The following MED29 variants were observed in gnomAD, a reference collection of about 807,000 sequenced individuals.
MED29 encodes the protein mediator of RNA polymerase II transcription subunit 29.
In MED29, 14 loss-of-function variants were observed where a neutral mutation model predicts 22.0. That is an observed-to-expected ratio of 0.64 (90% CI 0.42 to 0.99). MED29 has a LOEUF of 0.99. MED29 is among the 50% of genes least tolerant of loss of function. The pLI is 0.00. For missense variants in MED29, 241 were observed against 253.7 expected, an observed-to-expected ratio of 0.95 and a Z score of 0.34; for synonymous variants, 123 against 107.8, an observed-to-expected ratio of 1.14 and a Z score of -0.87.
rs569921444 is a variant in MED29, at chr19:39,392,113, G to C, written c.217-351G>C. On this transcript the variant is annotated intron_variant, in intron 1 of 3. Transcript: ENST00000315588. ...AGATGGGATCAGCGCTGATGCTGAGGCTGGGACTGGCCGGAGCTTGAGTGA... is the reference window on the plus strand; with the variant it reads ...AGATGGGATCAGCGCTGATGCTGAGCCTGGGACTGGCCGGAGCTTGAGTGA... Among the ~76,000 whole-genome samples, 39 of 152,310 alleles carry C rather than the reference G, an allele frequency of 2.6e-4. 1 individual carries two copies. Among genetic ancestry groups the C allele is most frequent in the African/African-American group, 9.1e-4 (38 of 41,568 alleles).
intron 3 of MED29, among the ~76,000 whole-genome samples, chr19:39,393,891 C>A (rs2078413887): frequency 1.3e-5 from 2 of 152,124 alleles, no homozygotes. Flanking sequence ...AAGCCTAGGC[C>A]AGAGTGGTTA....
At chr19:39,393,126 T>C in intron 2 of MED29, among the ~76,000 whole-genome samples, 1 of 131,808 alleles carries the variant, frequency 7.6e-6, no homozygotes, top group Admixed American at 8.5e-5. Context: ...GACAGAGTCT[T>C]GCTCTGTCGC....
At chr19:39,392,623 A>AATT in intron 2 of MED29, 101 bp downstream of exon 2, 38 of 618,906 alleles carry the variant, frequency 6.1e-5, no homozygotes, top group Middle Eastern at 4.7e-4. Flanking sequence ...TTCTATATTT[A>AATT]CTTTTTTTTT....
At chr19:39,394,271 G>T (rs1358755562) in intron 3 of MED29, among the ~76,000 whole-genome samples, 1 of 151,996 alleles carries the variant, frequency 6.6e-6, no homozygotes, top group Non-Finnish European at 1.5e-5. Context: ...TTTTTGGTGG[G>T]GGGGTGTGGG....
At chr19:39,393,088 T>C (rs2078407181) in intron 2 of MED29, among the ~76,000 whole-genome samples, 3 of 65,678 alleles carry the variant, frequency 4.6e-5, no homozygotes, top group South Asian at 6.0e-4. Flanking sequence ...TTTCTTTTTT[T>C]TTTTTTTTTT....
At chr19:39,393,385 C>T (rs1045138961) in intron 2 of MED29, among the ~76,000 whole-genome samples, 168 bp from the exon 3 acceptor site, 2 of 152,078 alleles carry the variant, frequency 1.3e-5, no homozygotes, top group African/African-American at 4.8e-5. Context: ...CGTGAGCCAC[C>T]GTGCCCAGCC....
rs2078444927 is a variant in MED29, at chr19:39,398,801, T to C, written c.*1102T>C. ...TGGAGAACTGCCCCACCCAGTATCTTCTGTGCCATGGTTCCCACATTCGCA... is the reference window on the plus strand; with the variant it reads ...TGGAGAACTGCCCCACCCAGTATCTCCTGTGCCATGGTTCCCACATTCGCA... On this transcript the variant is annotated 3_prime_UTR_variant, in exon 4 of 4. Coordinates refer to ENST00000315588, the MANE Select transcript of MED29 (RefSeq NM_017592.4). 6.6e-6 allele frequency: 1 copy of C among 152,304 alleles called. No individual in the cohort carries two copies. The highest frequency in any genetic ancestry group is 1.5e-5 in the Non-Finnish European group (1 of 68,128). 9.4% of individuals were successfully genotyped at this position (152,304 alleles called of 1,614,324 possible).
chr19:39,395,942 C>T (rs12459135), intron 3 of MED29, among the ~76,000 whole-genome samples: 10,722 of 151,642 alleles, frequency 0.071, 620 homozygotes, highest in Admixed American at 0.18. Context: ...GGACTGTCCC[C>T]GAAACAGGGA....
At position 39,397,934 on chromosome 19, in the gene MED29, A is replaced by G; in HGVS notation, c.*235A>G. Reference sequence around the variant, plus strand: ...GGTAGACTTTGAACTGTGTGTGTTGATGACTTCTCTGTTCCACAGGCCCTC... The same window carrying G: ...GGTAGACTTTGAACTGTGTGTGTTGGTGACTTCTCTGTTCCACAGGCCCTC... On this transcript the variant is annotated 3_prime_UTR_variant, in exon 4 of 4. Coordinates refer to ENST00000315588, the MANE Select transcript of MED29 (RefSeq NM_017592.4). 1 of 656,776 alleles carries G rather than the reference A, an allele frequency of 1.5e-6. No individual in the cohort carries two copies. The highest frequency in any genetic ancestry group is 2.8e-5 in the East Asian group (1 of 36,024). The allele number at this position is 656,776 out of a possible 1,614,324, so 40.7% of individuals were successfully genotyped here.
chr19:39,396,839 A>G (rs2078431171), intron 3 of MED29, among the ~76,000 whole-genome samples: 1 of 152,000 alleles, frequency 6.6e-6, no homozygotes, highest in African/African-American at 2.4e-5. Context: ...AGCATGGCCA[A>G]TGTGGTGAAA....
chr19:39,394,491 A>C (rs2145952256), intron 3 of MED29, among the ~76,000 whole-genome samples: 1 of 149,698 alleles, frequency 6.7e-6, no homozygotes, highest in South Asian at 2.1e-4. Flanking sequence ...TCCTGGCCTC[A>C]AGTGATCCAC....
chr19:39,393,725 A>C, intron 3 of MED29, 88 bp downstream of exon 3: 62 of 1,115,432 alleles, frequency 5.6e-5, no homozygotes, highest in Non-Finnish European at 7.5e-5. Context: ...ACTCACACTC[A>C]ACTGGGGACC....
rs2078448379 is a variant in MED29 at position 39,399,301 on chromosome 19, G to A, written c.*1602G>A. 6.6e-6 allele frequency: 1 copy of A among 152,222 alleles called. No individual in the cohort carries two copies. Among genetic ancestry groups the A allele is most frequent in the African/African-American group, 2.4e-5 (1 of 41,438 alleles). 9.4% of individuals were successfully genotyped at this position (152,222 alleles called of 1,614,324 possible). ...TGTAATCCCAACACTTTGGGAGCCC[G>A]AGGCGGGCGGATCACAAGGTCAGGA... is the stretch of plus-strand genomic sequence containing the variant. On this transcript the variant is annotated 3_prime_UTR_variant, in exon 4 of 4. Coordinates refer to ENST00000315588, the MANE Select transcript of MED29 (RefSeq NM_017592.4).
chr19:39,399,055 C>T lies in MED29; in HGVS notation c.*1356C>T, dbSNP rs1190778059. 2.6e-5 allele frequency: 4 copies of T among 152,228 alleles called. No individual in the cohort carries two copies. In the East Asian group the frequency reaches 7.7e-4, roughly 29 times the overall value. The allele number at this position is 152,228 out of a possible 1,614,324, so 9.4% of individuals were successfully genotyped here. On this transcript the variant is annotated 3_prime_UTR_variant, in exon 4 of 4. Transcript: ENST00000315588. Reference sequence around the variant, plus strand: ...GGAGGAATTTCTCCTTCAGGGGAGCCTCAGTTTTGCCCATTTATCTAATTG... The same window carrying T: ...GGAGGAATTTCTCCTTCAGGGGAGCTTCAGTTTTGCCCATTTATCTAATTG...
In MED29 at chr19:39,397,640, G is replaced by T. The variant is rs1484772172; in HGVS notation, c.544G>T (p.Ala182Ser). ...KDIHTALLDCANKVTGKTPAP... is the reference protein window; with the variant it reads ...KDIHTALLDCSNKVTGKTPAP... ...CATTCACACCGCCCTGCTGGACTGTGCCAACAAGGTCACGGGCAAGACACC... is the reference window on the plus strand; with the variant it reads ...CATTCACACCGCCCTGCTGGACTGTTCCAACAAGGTCACGGGCAAGACACC... The change falls in exon 4 of 4, where the codon GCC becomes TCC. Residue 182 changes from alanine (A) to serine (S), a missense_variant. Coordinates refer to ENST00000315588, the MANE Select transcript of MED29 (RefSeq NM_017592.4). 1.9e-5 allele frequency: 30 copies of T among 1,613,062 alleles called. No individual in the cohort carries two copies. The highest frequency in any genetic ancestry group is 2.3e-5 in the Non-Finnish European group (27 of 1,179,986).
chr19:39,391,773 C>T, intron 1 of MED29, 135 bp downstream of exon 1: 1 of 1,088,476 alleles, frequency 9.2e-7, no homozygotes, highest in Non-Finnish European at 1.3e-6. Context: ...CTGGTGCACG[C>T]CTGTGTTCCC....
Position 39,393,538 on chromosome 19 carries a change from T to G in MED29, c.276-15T>G, listed in dbSNP as rs149645937. 7.3e-5 allele frequency: 117 copies of G among 1,612,238 alleles called. No individual in the cohort carries two copies. The East Asian group carries it at 1.7e-3, about 23-fold the overall frequency. On this transcript the variant is annotated splice_polypyrimidine_tract_variant and intron_variant, in intron 2 of 3. Coordinates refer to ENST00000315588, the MANE Select transcript of MED29 (RefSeq NM_017592.4). ...GAAATCAATTCTTCAGACATCCTTT[T>G]TTCCTTGTCTGTAGAAAGAGCAGTG... is the stretch of plus-strand genomic sequence containing the variant.
chr19:39,396,039 G>T (rs938831578), intron 3 of MED29, among the ~76,000 whole-genome samples: 1 of 152,230 alleles, frequency 6.6e-6, no homozygotes, highest in African/African-American at 2.4e-5. Context: ...TAGTGCAGAG[G>T]TGGAAACTGA....
chr19:39,392,443 T>C (rs1418260392), intron 1 of MED29, 21 bp from the exon 2 acceptor site: 1 of 1,611,602 alleles, frequency 6.2e-7, no homozygotes. Context: ...TTCCCACGTG[T>C]TTTGTTTTTG....
Sources: allele counts gnomAD v4.1 joint callset (sites outside exome capture counted in the v4.1 genomes callset), GRCh38; gene constraint gnomAD v4.1.1; transcripts MANE v1.5; gene names NCBI Gene and HGNC (gene_info 2026-07-23, HGNC 2026-07-21).